Variants in PLEKHG1 observed in about 807,000 individuals in gnomAD.
PLEKHG1 encodes the protein pleckstrin homology and RhoGEF domain containing G1.
Under a neutral mutation model 100.8 loss-of-function variants are expected in PLEKHG1, and 44 were observed. The ratio of observed to expected loss-of-function variants is 0.44; its 90% CI spans 0.34 to 0.56. PLEKHG1 has a LOEUF of 0.56. PLEKHG1 is among the 20% of genes least tolerant of loss of function. The pLI is 0.01. For missense variants in PLEKHG1, 1,545 were observed against 1,720.9 expected, an observed-to-expected ratio of 0.90 and a Z score of 1.81; for synonymous variants, 640 against 662.5, an observed-to-expected ratio of 0.97 and a Z score of 0.52.
At chr6:150,793,047 A>G (rs1583141438) in intron 4 of PLEKHG1, among the ~76,000 whole-genome samples, 1 of 152,352 alleles carries the variant, frequency 6.6e-6, no homozygotes, top group East Asian at 1.9e-4. Flanking sequence ...CAGTGATATT[A>G]AAACACCAAA....
rs1780018179 is a variant in PLEKHG1, at chr6:150,683,880, G to T, written c.-99+33094G>T. ...GGGAATATTGAAGGGGCCTGGGATG[G>T]AGGTAAGATGGAGCGATCCTATGGT... is the stretch of plus-strand genomic sequence containing the variant. On this transcript the variant is annotated intron_variant, in intron 3 of 3. Transcript: ENST00000367326. This position sits in a 1 kb window ranked among gnomAD's most constrained non-coding sequence, Gnocchi z 4.0. 1 of 1,197,870 alleles carries T rather than the reference G, an allele frequency of 8.3e-7. No homozygotes were observed. The highest frequency in any genetic ancestry group is 2.5e-5 in the Admixed American group (1 of 39,548). 74.2% of individuals were successfully genotyped at this position (1,197,870 alleles called of 1,614,324 possible). A position where few individuals can be genotyped will look rare whatever the true frequency, so the allele number is the denominator to read the frequency against.
At chr6:150,612,483 C>T (rs1382350346) in intron 1 of PLEKHG1, among the ~76,000 whole-genome samples, 1 of 152,120 alleles carries the variant, frequency 6.6e-6, no homozygotes, top group Non-Finnish European at 1.5e-5. Flanking sequence ...CAGGCGCCTG[C>T]CATCACACTT....
chr6:150,809,261 A>G (rs746792705), exon 8 of PLEKHG1: 1 of 1,614,104 alleles, frequency 6.2e-7, no homozygotes, highest in South Asian at 1.1e-5. Context: ...GAGAGATGAC[A>G]CGTTTACATA....
chr6:150,837,519 G>A (rs1430755227), intron 15 of PLEKHG1, among the ~76,000 whole-genome samples: 2 of 152,214 alleles, frequency 1.3e-5, no homozygotes, highest in African/African-American at 2.4e-5. Flanking sequence ...TTTTGATACT[G>A]GAATAGTTTG....
intron 2 of PLEKHG1, among the ~76,000 whole-genome samples, chr6:150,766,603 C>T (rs1014653400): frequency 6.6e-6 from 1 of 152,164 alleles, no homozygotes; most frequent in African/African-American, 2.4e-5. Flanking sequence ...TCTGTTTTCT[C>T]AATAATTTCT....
intron 2 of PLEKHG1, among the ~76,000 whole-genome samples, chr6:150,738,934 A>G (rs1229309090): frequency 6.6e-6 from 1 of 152,176 alleles, no homozygotes; most frequent in Non-Finnish European, 1.5e-5. Context: ...ATTTGTGGAG[A>G]GATAGAAATC....
chr6:150,799,361 A>G (rs987074972), intron 5 of PLEKHG1, among the ~76,000 whole-genome samples: 6 of 152,154 alleles, frequency 3.9e-5, no homozygotes, highest in East Asian at 3.8e-4. Context: ...AGTGTCCACT[A>G]TCTTCATACC....
intron 1 of PLEKHG1, among the ~76,000 whole-genome samples, chr6:150,730,347 T>TATG (rs1782180524): frequency 2.7e-5 from 2 of 74,246 alleles, no homozygotes; most frequent in African/African-American, 4.4e-5. Context: ...GGTGTGGGGG[T>TATG]GGGGGAGTGG....
chr6:150,600,851 C>T lies in PLEKHG1; in HGVS notation c.-204+834C>T, dbSNP rs910691675. ...GCTCCTCGGAAACAATGAGCTGGATCCTTGACTTGAATGTGCTGGCGGAGC... is the reference window on the plus strand; with the variant it reads ...GCTCCTCGGAAACAATGAGCTGGATTCTTGACTTGAATGTGCTGGCGGAGC... On this transcript the variant is annotated intron_variant, in intron 1 of 3. Transcript: ENST00000367326. This position sits in a 1 kb window ranked among gnomAD's most constrained non-coding sequence, Gnocchi z 6.2. 3.9e-5 allele frequency: 6 copies of T among 152,226 alleles called. No homozygotes were observed. Among genetic ancestry groups the T allele is most frequent in the African/African-American group, 1.4e-4 (6 of 41,472 alleles). 9.4% of individuals were successfully genotyped at this position (152,226 alleles called of 1,614,324 possible). A position where few individuals can be genotyped will look rare whatever the true frequency, so the allele number is the denominator to read the frequency against.
Position 150,733,654 on chromosome 6 carries a change from G to T in PLEKHG1, c.-28G>T, listed in dbSNP as rs201661785. 1.9e-3 allele frequency: 3,109 copies of T among 1,614,096 alleles called. 15 individuals carry two copies. Among genetic ancestry groups the T allele is most frequent in the Non-Finnish European group, 2.2e-3 (2,654 of 1,180,002 alleles). On this transcript the variant is annotated 5_prime_UTR_variant, in exon 2 of 16. Transcript: ENST00000358517. ...TTCCACATCCCAAGACGACAGCCAG[G>T]CGTTCCTGCCCTCAAGAACTGAAGA...
chr6:150,762,108 G>A (rs925757997), intron 2 of PLEKHG1, among the ~76,000 whole-genome samples: 6 of 152,108 alleles, frequency 3.9e-5, no homozygotes, highest in African/African-American at 1.2e-4. Flanking sequence ...TCTCAGAGCC[G>A]TTAACAGAGT....
At chr6:150,622,055 C>T (rs566867615) in intron 1 of PLEKHG1, among the ~76,000 whole-genome samples, 1 of 152,178 alleles carries the variant, frequency 6.6e-6, no homozygotes. Flanking sequence ...ATTTCCTCCT[C>T]CGAGAGCTCT....
chr6:150,840,441 G>A, exon 16 of PLEKHG1: 1 of 1,614,200 alleles, frequency 6.2e-7, no homozygotes, highest in South Asian at 1.1e-5. Context: ...ACAGGGCACT[G>A]AAAAACTCTC....
intron 4 of PLEKHG1, among the ~76,000 whole-genome samples, chr6:150,794,707 A>G (rs1406067628): frequency 1.3e-5 from 2 of 151,894 alleles, no homozygotes; most frequent in African/African-American, 4.8e-5. Context: ...ATGTTAAAAT[A>G]TTTACAAGGA....
exon 2 of PLEKHG1, chr6:150,733,848 T>A: frequency 6.2e-7 from 1 of 1,614,166 alleles, no homozygotes; most frequent in East Asian, 2.2e-5. Flanking sequence ...AAACTGGAGC[T>A]GATTCCTGCC....
At chr6:150,787,424 T>A (rs1010639083) in intron 4 of PLEKHG1, among the ~76,000 whole-genome samples, 1 of 152,230 alleles carries the variant, frequency 6.6e-6, no homozygotes, top group Non-Finnish European at 1.5e-5. Flanking sequence ...GCATGCTGCC[T>A]AGTATATAGA....
intron 10 of PLEKHG1, among the ~76,000 whole-genome samples, chr6:150,816,123 G>A (rs1383795588): frequency 5.9e-5 from 9 of 152,184 alleles, no homozygotes; most frequent in Non-Finnish European, 1.2e-4. Context: ...TGGGGGTGAT[G>A]GGAGACAGCG....
chr6:150,738,976 T>A (rs1184353529), intron 2 of PLEKHG1, among the ~76,000 whole-genome samples: 1 of 152,158 alleles, frequency 6.6e-6, no homozygotes, highest in Non-Finnish European at 1.5e-5. Context: ...AAGGGTTTGT[T>A]TAATGTTTAA....
At chr6:150,826,595 C>T (rs968836955) in intron 14 of PLEKHG1, among the ~76,000 whole-genome samples, 1 of 152,154 alleles carries the variant, frequency 6.6e-6, no homozygotes, top group African/African-American at 2.4e-5. Flanking sequence ...AAAGTAATTG[C>T]ACTTTTTACC....
Sources: allele counts gnomAD v4.1 joint callset (sites outside exome capture counted in the v4.1 genomes callset), GRCh38; gene constraint gnomAD v4.1.1; non-coding constraint Gnocchi (gnomAD v3.1); transcripts MANE v1.5; gene names NCBI Gene and HGNC (gene_info 2026-07-23, HGNC 2026-07-21).